The following ABCB8 variants were observed in gnomAD, a reference collection of about 807,000 sequenced individuals.
The protein encoded by ABCB8 is mitochondrial potassium channel ATP-binding subunit.
A neutral mutation model predicts 73.0 loss-of-function variants in ABCB8; 52 were observed. The ratio of observed to expected loss-of-function variants is 0.71; its 90% CI spans 0.57 to 0.90. ABCB8 has a LOEUF of 0.90. ABCB8 is among the 40% of genes least tolerant of loss of function. ABCB8 has a pLI of 0.00. For synonymous variants in ABCB8, 428 were observed against 423.5 expected, an observed-to-expected ratio of 1.01 and a Z score of -0.13; for missense variants, 909 against 974.6, an observed-to-expected ratio of 0.93 and a Z score of 0.90.
At chr7:151,040,181 T>A in intron 9 of ABCB8, 87 bp from the exon 10 acceptor site, 1 of 1,509,540 alleles carries the variant, frequency 6.6e-7, no homozygotes, top group Non-Finnish European at 9.0e-7. Context: ...CCTGCTTCCT[T>A]GCTCCCCCGC....
chr7:151,034,208 G>T (rs1796240779), intron 2 of ABCB8, 65 bp from the exon 3 acceptor site: 4 of 1,528,966 alleles, frequency 2.6e-6, no homozygotes, highest in Non-Finnish European at 3.5e-6. Flanking sequence ...CCAAGATCTG[G>T]CTGGGGATGG....
At chr7:151,032,098 C>T (rs1167943269) in intron 1 of ABCB8, among the ~76,000 whole-genome samples, 1 of 152,176 alleles carries the variant, frequency 6.6e-6, no homozygotes, top group East Asian at 1.9e-4. Flanking sequence ...TGAAATTTCT[C>T]TCCCATCCTT....
chr7:151,040,742 A>G, intron 11 of ABCB8, 86 bp from the exon 12 acceptor site: 5 of 1,601,392 alleles, frequency 3.1e-6, no homozygotes, highest in African/African-American at 2.7e-5. Context: ...AGGCCCTCTC[A>G]GAGGGCTACA....
At chr7:151,037,092 G>A in intron 9 of ABCB8, 2 of 698,836 alleles carry the variant, frequency 2.9e-6, no homozygotes, top group Non-Finnish European at 5.2e-6. Context: ...CCCATGACAT[G>A]GGAATCCCCA....
chr7:151,033,752 C>T lies in ABCB8; in HGVS notation c.243C>T (p.Pro81=). 1.2e-6 allele frequency: 2 copies of T among 1,614,042 alleles called. No homozygotes were observed. Among genetic ancestry groups the T allele is most frequent in the Non-Finnish European group, 1.7e-6 (2 of 1,179,976 alleles). ...WCWVGGALLG[P]MVLSKHPHLC... ...GGGTTGGGGGAGCCCTGCTAGGCCC[C>T]ATGGTACTGAGTAAGCATCCCCACC... The change falls in exon 2 of 16, where the codon CCC becomes CCT. Residue 81 remains proline, a synonymous_variant. Transcript: ENST00000358849.
chr7:151,034,765 T>A lies in ABCB8; in HGVS notation c.701T>A (p.Leu234Gln). ...TFFDANKTGQLVSRLTTDVQE... is the reference protein window; with the variant it reads ...TFFDANKTGQQVSRLTTDVQE... ...TTTGACGCCAATAAGACAGGGCAGC[T>A]GGTGAGCCGCTTGACAACTGACGTG... Residue 234 changes from leucine to glutamine, a missense_variant, in exon 5 of 16, where the codon CTG (leucine) becomes CAG (glutamine). Coordinates refer to ENST00000358849, the MANE Select transcript of ABCB8 (RefSeq NM_007188.5). 6.2e-7 allele frequency: 1 copy of A among 1,614,120 alleles called. No homozygotes were observed. Among genetic ancestry groups the A allele is most frequent in the Non-Finnish European group, 8.5e-7 (1 of 1,179,980 alleles).
chr7:151,041,558 A>C (rs1796466501), intron 13 of ABCB8, among the ~76,000 whole-genome samples: 1 of 152,216 alleles, frequency 6.6e-6, no homozygotes. Context: ...GCTGAGCTGC[A>C]GCCGTTCTCC....
chr7:151,029,383 A>C (rs1216741309), intron 1 of ABCB8, among the ~76,000 whole-genome samples: 1 of 151,794 alleles, frequency 6.6e-6, no homozygotes. Context: ...TGGTCGAGAG[A>C]GAGAGACAGA....
chr7:151,035,876 T>C lies in ABCB8; in HGVS notation c.928-6T>C, dbSNP rs760525069. 1.2e-6 allele frequency: 2 copies of C among 1,612,962 alleles called. No individual in the cohort carries two copies. The highest frequency in any genetic ancestry group is 1.3e-5 in the African/African-American group (1 of 74,962). On this transcript the variant is annotated splice_region_variant and splice_polypyrimidine_tract_variant and intron_variant, in intron 6 of 15. Coordinates refer to ENST00000358849, the MANE Select transcript of ABCB8 (RefSeq NM_007188.5). ...CTCCTTGTCCTGTTTCCTGGACTCCTTGCAGATCGCCAGGGCAATGGGCGT... is the reference window on the plus strand; with the variant it reads ...CTCCTTGTCCTGTTTCCTGGACTCCCTGCAGATCGCCAGGGCAATGGGCGT...
At chr7:151,033,506 G>A in intron 1 of ABCB8, 99 bp from the exon 2 acceptor site, 1 of 1,489,680 alleles carries the variant, frequency 6.7e-7, no homozygotes, top group South Asian at 1.4e-5. Context: ...AGAAGAGGAA[G>A]TGCTCCTTCC....
At chr7:151,034,015 A>C in intron 2 of ABCB8, 98 bp downstream of exon 2, 2 of 1,412,142 alleles carry the variant, frequency 1.4e-6, no homozygotes, top group Non-Finnish European at 1.9e-6. Flanking sequence ...GGGAGAGCTC[A>C]GGGGAGCAGC....
At chr7:151,043,716 CAG>C (rs1388634757) in intron 14 of ABCB8, among the ~76,000 whole-genome samples, 1 of 103,092 alleles carries the variant, frequency 9.7e-6, no homozygotes, top group African/African-American at 3.8e-5. Flanking sequence ...GGTGGGGGGT[CAG>C]AGGCAGGAGG....
Position 151,036,509 on chromosome 7 carries a change from TGGC to T in ABCB8, c.1112-34_1112-32del, listed in dbSNP as rs771234126. ...AGGCCCAGGGCTGTTTCCTCTGCCC[TGGC>T]TTCGTCCTCCCTCACTTCCCCTCTC... On this transcript the variant is annotated intron_variant, in intron 8 of 15. Transcript: ENST00000358849. 6 of 1,575,068 alleles carry T rather than the reference TGGC, an allele frequency of 3.8e-6. No homozygotes were observed. In the Admixed American group the frequency reaches 1.0e-4, roughly 26 times the overall value.
rs565161047 is a variant in ABCB8, at chr7:151,043,614, G to A, written c.1766-357G>A. 1.6e-4 allele frequency among the ~76,000 whole-genome samples: 23 copies of A among 147,894 alleles called. No individual in the cohort carries two copies. In the South Asian group the frequency reaches 5.0e-3, roughly 32 times the overall value. On this transcript the variant is annotated intron_variant, in intron 14 of 15. Transcript: ENST00000358849. Reference sequence around the variant, plus strand: ...GGTGGAGGGTCAGAGGCAGGACTAGGGTGCACAGTGCAAGGTGGAGGGTCA... The same window carrying A: ...GGTGGAGGGTCAGAGGCAGGACTAGAGTGCACAGTGCAAGGTGGAGGGTCA...
At chr7:151,034,657 G>A (rs556413222) in intron 4 of ABCB8, 58 bp downstream of exon 4, 3 of 1,611,600 alleles carry the variant, frequency 1.9e-6, no homozygotes, top group African/African-American at 2.7e-5. Context: ...GGGTCTGGGG[G>A]TAGGACCTTA....
chr7:151,034,049 G>C, intron 2 of ABCB8, 132 bp downstream of exon 2: 1 of 1,271,984 alleles, frequency 7.9e-7, no homozygotes, highest in East Asian at 2.5e-5. Flanking sequence ...GGGTCCAGGG[G>C]TGCCAGGAGC....
At position 151,028,549 on chromosome 7, in the gene ABCB8, G is replaced by A. The variant is rs142369574; in HGVS notation, c.34G>A (p.Gly12Ser). Residue 12 changes from glycine (G) to serine (S), a missense_variant, in exon 1 of 16, where the codon GGT becomes AGT. Gly to Ser is a moderately conservative substitution (Grantham distance 56). Coordinates refer to ENST00000358849, the MANE Select transcript of ABCB8 (RefSeq NM_007188.5). Reference protein sequence around the residue: ...LVHLFRVGIRGGPFPGRLLPP... With the variant: ...LVHLFRVGIRSGPFPGRLLPP... ...GCATTTATTTCGGGTCGGGATTCGG[G>A]GTGGCCCATTCCCAGGCAGGCTGCT... is the stretch of plus-strand genomic sequence containing the variant. The A allele has an allele frequency of 1.8e-5, 29 of 1,614,048 alleles. No homozygotes were observed. The highest frequency in any genetic ancestry group is 2.3e-5 in the Non-Finnish European group (27 of 1,180,018).
At chr7:151,041,701 C>T (rs954765285) in intron 13 of ABCB8, among the ~76,000 whole-genome samples, 7 of 152,232 alleles carry the variant, frequency 4.6e-5, no homozygotes, top group Non-Finnish European at 8.8e-5. Context: ...CCCCAACTCC[C>T]AGCGCCCTGC....
At chr7:151,037,149 T>G in intron 9 of ABCB8, 1 of 702,844 alleles carries the variant, frequency 1.4e-6, no homozygotes, top group Non-Finnish European at 2.6e-6. Flanking sequence ...CTTTCTGTCC[T>G]TATGATTTGA....
Sources: gnomAD v4.1 joint callset for allele counts (sites outside exome capture counted in the v4.1 genomes callset) on GRCh38, gnomAD v4.1.1 for gene constraint, MANE v1.5 for transcripts, NCBI Gene and HGNC (gene_info 2026-07-23, HGNC 2026-07-21) for gene names.